GOLGA3: variants seen among roughly 807,000 people sequenced by gnomAD.
The protein encoded by GOLGA3 is golgin A3, also known as golgin subfamily A member 3.
A neutral mutation model predicts 169.4 loss-of-function variants in GOLGA3; 75 were observed. That is an observed-to-expected ratio of 0.44 (90% CI 0.37 to 0.54). The LOEUF (loss-of-function observed/expected upper bound fraction) is 0.54, where lower values mean the gene tolerates loss of function less well. GOLGA3 is among the 20% of genes least tolerant of loss of function. The pLI is 0.00. For missense variants in GOLGA3, 1,899 were observed against 1,930.0 expected, an observed-to-expected ratio of 0.98 and a Z score of 0.30; for synonymous variants, 824 against 822.4, an observed-to-expected ratio of 1.00 and a Z score of -0.03.
At chr12:132,812,226 TA>T (rs781223628) in intron 4 of GOLGA3, among the ~76,000 whole-genome samples, 28,453 of 146,314 alleles carry the variant, frequency 0.19, 3,574 homozygotes, top group Non-Finnish European at 0.29. Context: ...TATATATATA[TA>T]TATTTTTTTT....
intron 8 of GOLGA3, among the ~76,000 whole-genome samples, chr12:132,798,910 C>G (rs541505922): frequency 6.6e-6 from 1 of 152,362 alleles, no homozygotes; most frequent in South Asian, 2.1e-4. Flanking sequence ...TCCAGGGATA[C>G]AGCCTTTTCA....
intron 2 of GOLGA3, 51 bp from the exon 3 acceptor site, chr12:132,816,863 G>A (rs746582175): frequency 3.0e-5 from 45 of 1,499,474 alleles, no homozygotes; most frequent in Non-Finnish European, 3.2e-5. Flanking sequence ...ACAAGGTGAC[G>A]TCGCTTTTCA....
At chr12:132,820,313 T>G (rs943450974) in intron 2 of GOLGA3, among the ~76,000 whole-genome samples, 4 of 152,248 alleles carry the variant, frequency 2.6e-5, no homozygotes, top group Admixed American at 2.6e-4. Context: ...CACTTCAGCC[T>G]GCTCAATGGA....
Position 132,789,030 on chromosome 12 carries a change from C to A in GOLGA3, c.2808G>T (p.Leu936Phe), listed in dbSNP as rs778802090. 1 of 1,567,412 alleles carries A rather than the reference C, an allele frequency of 6.4e-7. No individual in the cohort carries two copies. The highest frequency in any genetic ancestry group is 2.3e-5 in the East Asian group (1 of 44,214). ...AGTCAACCCGACACGGACAGACCTG[C>A]AAGTGTGTTTCCATCTCGTCTCGCT... is the stretch of plus-strand genomic sequence containing the variant. ...QKERDEMETH[L>F]QSLQFDKEQM... is the part of the protein sequence containing the mutation. Residue 936 changes from leucine (L) to phenylalanine (F), a missense_variant, in exon 13 of 24, where the codon TTG (leucine) becomes TTT (phenylalanine). Leu to Phe is a conservative substitution (Grantham distance 22). Coordinates refer to ENST00000450791, the MANE Select transcript of GOLGA3 (RefSeq NM_001389683.1).
chr12:132,786,866 C>T, intron 13 of GOLGA3, 79 bp from the exon 14 acceptor site: 5 of 1,014,944 alleles, frequency 4.9e-6, no homozygotes, highest in South Asian at 1.3e-5. Flanking sequence ...AGCCCATCAC[C>T]CCCACCAAAG....
chr12:132,778,519 C>T (rs369019662), intron 18 of GOLGA3, among the ~76,000 whole-genome samples: 15 of 143,030 alleles, frequency 1.0e-4, no homozygotes, highest in East Asian at 8.5e-4. Flanking sequence ...TGCAGTGAGC[C>T]GAGATCGCGC....
rs1949299298 is a variant in GOLGA3 at position 132,804,634 on chromosome 12, G to A, written c.1597+82C>T. 2.4e-5 allele frequency: 28 copies of A among 1,158,404 alleles called. No individual in the cohort carries two copies. In the Middle Eastern group the frequency reaches 7.4e-4, roughly 30 times the overall value. The allele number at this position is 1,158,404 out of a possible 1,614,324, so 71.8% of individuals were successfully genotyped here. A position where few individuals can be genotyped will look rare whatever the true frequency, so the allele number is the denominator to read the frequency against. On this transcript the variant is annotated intron_variant, in intron 7 of 23. Coordinates refer to ENST00000450791, the MANE Select transcript of GOLGA3 (RefSeq NM_001389683.1). The surrounding 1 kb of genome is among the most constrained non-coding windows in gnomAD (Gnocchi z 4.1). ...GGACCAGTCAGGGAAGGAGGAGGGC[G>A]TGGCGGGGGCCAGTCGAGGAAGGAG...
chr12:132,807,367 A>G, intron 5 of GOLGA3, 79 bp from the exon 6 acceptor site: 1 of 729,248 alleles, frequency 1.4e-6, no homozygotes, highest in East Asian at 2.8e-5. Flanking sequence ...TCCAAATTCC[A>G]CACACCCCTG....
At chr12:132,773,330 C>A (rs2045009138) in intron 23 of GOLGA3, 36 bp from the exon 24 acceptor site, 3 of 1,308,194 alleles carry the variant, frequency 2.3e-6, no homozygotes, top group Non-Finnish European at 1.0e-6. Flanking sequence ...GCCCAGATCA[C>A]ACAAGTGCCA....
intron 13 of GOLGA3, among the ~76,000 whole-genome samples, chr12:132,787,429 CCCT>C (rs1422826875): frequency 6.7e-6 from 1 of 149,672 alleles, no homozygotes; most frequent in Non-Finnish European, 1.5e-5. Flanking sequence ...GGCCTAGGAC[CCCT>C]CCTCAAGGAT....
At chr12:132,797,729 C>T (rs868028848) in intron 9 of GOLGA3, among the ~76,000 whole-genome samples, 3 of 151,786 alleles carry the variant, frequency 2.0e-5, no homozygotes, top group African/African-American at 4.8e-5. Context: ...AAAAAAGATG[C>T]GGCTCAGAGA....
intron 1 of GOLGA3, among the ~76,000 whole-genome samples, chr12:132,823,137 G>C (rs1950284315): frequency 6.6e-6 from 1 of 152,232 alleles, no homozygotes. Flanking sequence ...GCCTTGGAGT[G>C]GGGGCACAGA....
chr12:132,815,901 A>G (rs1171427408), intron 3 of GOLGA3, among the ~76,000 whole-genome samples: 2 of 152,064 alleles, frequency 1.3e-5, no homozygotes, highest in Non-Finnish European at 2.9e-5. Context: ...CCTGACTCTA[A>G]TTAAAAAACA....
chr12:132,776,694 C>G lies in GOLGA3; in HGVS notation c.3918G>C (p.Gln1306His). ...TGCCCTGCTGCTCCGTCAAGTCCAG[C>G]TGCTGCTTCAAGGACTGGATTTCTC... ...KEREIQSLKQ[Q>H]LDLTEQQGRK... The change falls in exon 21 of 24, where the codon CAG becomes CAC. Residue 1306 changes from glutamine (Q) to histidine (H), a missense_variant. Gln to His is a conservative substitution (Grantham distance 24, BLOSUM62 0). Coordinates refer to ENST00000450791, the MANE Select transcript of GOLGA3 (RefSeq NM_001389683.1). 6.2e-7 allele frequency: 1 copy of G among 1,614,162 alleles called. No individual in the cohort carries two copies. The highest frequency in any genetic ancestry group is 1.6e-4 in the Middle Eastern group (1 of 6,062).
rs750532254 is a variant in GOLGA3, at chr12:132,805,041, C to T, written c.1291-19G>A. The T allele has an allele frequency of 1.4e-5, 23 of 1,597,224 alleles. No homozygotes were observed. In the Admixed American group the frequency reaches 3.9e-4, roughly 27 times the overall value. On this transcript the variant is annotated intron_variant, in intron 6 of 23. Coordinates refer to ENST00000450791, the MANE Select transcript of GOLGA3 (RefSeq NM_001389683.1). ...TAAGTGCCTGAAAAGATCCCAACAA[C>T]CACAATGATTTTAAGAAAACGAGTC...
intron 8 of GOLGA3, among the ~76,000 whole-genome samples, chr12:132,799,029 G>A (rs1474908580): frequency 6.6e-6 from 1 of 152,238 alleles, no homozygotes; most frequent in Non-Finnish European, 1.5e-5. Context: ...TCAGCCAAGG[G>A]AAGTAGCACT....
chr12:132,807,812 A>ACCTCTGCCCGCCCCACACCCC (rs1949487947), intron 5 of GOLGA3, 79 bp downstream of exon 5: 1 of 9,638 alleles, frequency 1.0e-4, no homozygotes, highest in Non-Finnish European at 2.0e-4. Context: ...CGCCCCACCC[A>ACCTCTGCCCGCCCCACACCCC]CCTCTGCCCG....
intron 11 of GOLGA3, among the ~76,000 whole-genome samples, chr12:132,794,946 C>T (rs1481922531): frequency 2.0e-5 from 3 of 152,154 alleles, no homozygotes; most frequent in Non-Finnish European, 2.9e-5. Flanking sequence ...CCCAACACTT[C>T]GGGAGGCCGA....
chr12:132,793,932 G>C (rs1449549721), intron 11 of GOLGA3, among the ~76,000 whole-genome samples: 1 of 152,230 alleles, frequency 6.6e-6, no homozygotes, highest in African/African-American at 2.4e-5. Flanking sequence ...TCTGAATACA[G>C]AACACACTGC....
Sources: gnomAD v4.1 joint callset for allele counts (sites outside exome capture counted in the v4.1 genomes callset) on GRCh38, gnomAD v4.1.1 for gene constraint, Gnocchi (gnomAD v3.1) non-coding constraint, MANE v1.5 for transcripts, NCBI Gene and HGNC (gene_info 2026-07-23, HGNC 2026-07-21) for gene names.